Variants in GLI2 observed in about 807,000 individuals in gnomAD.
The protein encoded by GLI2 is GLI family zinc finger 2.
GLI2 carries 22 observed loss-of-function variants against 78.9 expected under a neutral mutation model. The observed-to-expected ratio is 0.28, with a 90% CI of 0.20 to 0.40. GLI2 has a LOEUF of 0.40. Ranked by LOEUF, GLI2 falls within the 10% of genes least tolerant of loss-of-function variation. GLI2 has a pLI of 1.00. For missense variants in GLI2, 2,097 were observed against 2,213.2 expected, an observed-to-expected ratio of 0.95 and a Z score of 1.05; for synonymous variants, 974 against 963.7, an observed-to-expected ratio of 1.01 and a Z score of -0.20.
chr2:120,886,216 A>G (rs13423977), intron 2 of GLI2, among the ~76,000 whole-genome samples: 9 of 57,764 alleles, frequency 1.6e-4, no homozygotes, highest in African/African-American at 5.4e-4. Flanking sequence ...GTGTGCGTGT[A>G]TATTTTGGTT....
intron 2 of GLI2, among the ~76,000 whole-genome samples, chr2:120,867,834 G>C (rs1366062365): frequency 1.3e-5 from 2 of 152,210 alleles, no homozygotes; most frequent in African/African-American, 2.4e-5. Flanking sequence ...GGATGGGGGA[G>C]GAAAGGAAGG....
At chr2:120,837,266 C>T (rs996316442) in intron 2 of GLI2, among the ~76,000 whole-genome samples, 1 of 151,806 alleles carries the variant, frequency 6.6e-6, no homozygotes, top group Admixed American at 6.6e-5. Flanking sequence ...TGGTGGCGGG[C>T]GCCTGTAGTC....
chr2:120,894,611 G>A (rs532113655), intron 2 of GLI2, among the ~76,000 whole-genome samples: 1 of 150,878 alleles, frequency 6.6e-6, no homozygotes, highest in Non-Finnish European at 1.5e-5. Flanking sequence ...TTAACCCTTG[G>A]GGGGGGGTAC....
chr2:120,952,845 G>A (rs942310141), intron 4 of GLI2, among the ~76,000 whole-genome samples: 2 of 152,218 alleles, frequency 1.3e-5, no homozygotes, highest in African/African-American at 4.8e-5. Flanking sequence ...GGGATTATAG[G>A]TGTGAGCCAC....
intron 1 of GLI2, among the ~76,000 whole-genome samples, chr2:120,781,233 C>A (rs1558792819): frequency 1.3e-5 from 2 of 152,276 alleles, no homozygotes; most frequent in East Asian, 1.9e-4. Context: ...AGGGCCAGTC[C>A]TTTGAGTGCG....
chr2:120,886,161 TGTGTG>T (rs1558857668), intron 2 of GLI2, among the ~76,000 whole-genome samples: 1 of 3,528 alleles, frequency 2.8e-4, no homozygotes, highest in Non-Finnish European at 4.9e-4. Flanking sequence ...TTTTCCAAAG[TGTGTG>T]TGTGTGTGTG....
At chr2:120,867,847 C>A (rs1688223188) in intron 2 of GLI2, among the ~76,000 whole-genome samples, 2 of 152,072 alleles carry the variant, frequency 1.3e-5, no homozygotes. Context: ...AAGGAAGGAA[C>A]TGGGTGGACA....
intron 2 of GLI2, among the ~76,000 whole-genome samples, chr2:120,896,437 C>A (rs112855846): frequency 6.6e-6 from 1 of 152,124 alleles, no homozygotes; most frequent in East Asian, 1.9e-4. Flanking sequence ...GAGTATTAGC[C>A]AGGCCCACCA....
At chr2:120,773,663 G>A (rs570489487) in intron 1 of GLI2, among the ~76,000 whole-genome samples, 1 of 152,336 alleles carries the variant, frequency 6.6e-6, no homozygotes, top group East Asian at 1.9e-4. Flanking sequence ...CCAGTTGGCT[G>A]TGGGGTGAGG....
chr2:120,888,017 G>A (rs894578506), intron 2 of GLI2, among the ~76,000 whole-genome samples: 25 of 152,308 alleles, frequency 1.6e-4, no homozygotes, highest in Admixed American at 1.3e-4. Flanking sequence ...TCCCGGCTGC[G>A]GTGGCCTGCG....
In GLI2 at chr2:120,991,978, T is replaced by C. The variant is rs1573747946; in HGVS notation, c.*1303T>C. On this transcript the variant is annotated 3_prime_UTR_variant, in exon 14 of 14. Coordinates refer to ENST00000361492, the MANE Select transcript of GLI2 (RefSeq NM_001374353.1). ...GGAGACATCATTCCTGAACACACTG[T>C]AGGGTGAATTGGTGCATCTTCCCCA... The C allele has an allele frequency of 6.7e-6, 1 of 148,768 alleles. No individual in the cohort carries two copies. The highest frequency in any genetic ancestry group is 2.5e-5 in the African/African-American group (1 of 39,880). 9.2% of individuals were successfully genotyped at this position (148,768 alleles called of 1,614,324 possible).
At chr2:120,951,594 A>C in intron 4 of GLI2, 149 bp downstream of exon 4, 1 of 592,170 alleles carries the variant, frequency 1.7e-6, no homozygotes, top group Non-Finnish European at 3.0e-6. Flanking sequence ...CTACTTCCAA[A>C]CAACAAGTTT....
At chr2:120,739,972 G>A (rs1157638233) in intron 1 of GLI2, among the ~76,000 whole-genome samples, 3 of 152,168 alleles carry the variant, frequency 2.0e-5, no homozygotes, top group Non-Finnish European at 2.9e-5. Flanking sequence ...CGACATTGAT[G>A]TTTGAGAGTG....
At chr2:120,909,654 A>G (rs1448958715) in intron 2 of GLI2, among the ~76,000 whole-genome samples, 1 of 152,114 alleles carries the variant, frequency 6.6e-6, no homozygotes, top group Non-Finnish European at 1.5e-5. Context: ...TCACGAGGTC[A>G]GGAGATTGAG....
intron 10 of GLI2, among the ~76,000 whole-genome samples, chr2:120,980,230 C>T (rs1315783925): frequency 6.6e-6 from 1 of 152,188 alleles, no homozygotes; most frequent in Non-Finnish European, 1.5e-5. Context: ...AAACGCTGCT[C>T]CATTTTACCT....
At chr2:120,795,433 G>C (rs551478189) in intron 1 of GLI2, among the ~76,000 whole-genome samples, 5 of 151,360 alleles carry the variant, frequency 3.3e-5, no homozygotes, top group Admixed American at 6.6e-5. Context: ...TGAGGCAGGA[G>C]AATCTTTTGA....
At chr2:120,890,600 A>G (rs1189063499) in intron 2 of GLI2, among the ~76,000 whole-genome samples, 3 of 152,244 alleles carry the variant, frequency 2.0e-5, no homozygotes, top group African/African-American at 7.2e-5. Context: ...TTTGCAAGAC[A>G]TGATTGGGGA....
chr2:120,785,710 C>T (rs1683978698), intron 1 of GLI2, among the ~76,000 whole-genome samples: 1 of 152,186 alleles, frequency 6.6e-6, no homozygotes, highest in African/African-American at 2.4e-5. Flanking sequence ...TGGCTTGGAT[C>T]CATGCACTTG....
intron 1 of GLI2, among the ~76,000 whole-genome samples, chr2:120,780,952 C>G (rs568681709): frequency 5.3e-4 from 81 of 152,302 alleles, no homozygotes; most frequent in African/African-American, 1.8e-3. Flanking sequence ...GCCCCAGCTG[C>G]CCTGGGGCTG....
Sources: gnomAD v4.1 joint callset for allele counts (sites outside exome capture counted in the v4.1 genomes callset) on GRCh38, gnomAD v4.1.1 for gene constraint, MANE v1.5 for transcripts, NCBI Gene and HGNC (gene_info 2026-07-23, HGNC 2026-07-21) for gene names.